UGT2B7: variants seen among roughly 807,000 people sequenced by gnomAD.
The protein encoded by UGT2B7 is UDP-glucuronosyltransferase 2B7.
In UGT2B7, 51 loss-of-function variants were observed where a neutral mutation model predicts 51.9. The ratio of observed to expected loss-of-function variants is 0.98; its 90% CI spans 0.78 to 1.24. The LOEUF is 1.24. Among genes scored for constraint, UGT2B7 ranks in the 50% most tolerant of loss-of-function variants. The pLI is 0.00. For missense variants in UGT2B7, 727 were observed against 628.4 expected (o/e 1.16, Z -1.68); for synonymous variants, 225 against 211.6 (o/e 1.06, Z -0.55).
intron 1 of UGT2B7, among the ~76,000 whole-genome samples, chr4:69,061,766 C>A (rs906452015): frequency 2.6e-5 from 4 of 152,168 alleles, no homozygotes; most frequent in South Asian, 2.1e-4. Context: ...CCCAAAACAA[C>A]CCCTGAAAAG....
rs151180306 is a variant in UGT2B7, at chr4:69,096,730, C to T, written c.210C>T (p.Ser70=). Residue 70 remains serine (S), a synonymous_variant, in exon 1 of 6, where the codon TCC becomes TCT. Transcript: ENST00000305231. ...TTCTTTTTGATCCCAACAACTCATC[C>T]GCTCTTAAAATTGAAATTTATCCCA... is the stretch of plus-strand genomic sequence containing the variant. The part of the protein sequence containing the change: ...ASILFDPNNS[S]ALKIEIYPTS... 1.3e-4 allele frequency: 210 copies of T among 1,613,774 alleles called. No individual in the cohort carries two copies. Among genetic ancestry groups the T allele is most frequent in the Non-Finnish European group, 1.6e-4 (188 of 1,179,906 alleles).
At chr4:69,088,935 C>T (rs1719023263) in intron 1 of UGT2B7, among the ~76,000 whole-genome samples, 1 of 152,112 alleles carries the variant, frequency 6.6e-6, no homozygotes, top group Non-Finnish European at 1.5e-5. Flanking sequence ...ACAGTGGTGT[C>T]TTCTTGGTGT....
intron 1 of UGT2B7, among the ~76,000 whole-genome samples, chr4:69,059,128 C>A (rs1196506864): frequency 6.6e-6 from 1 of 152,212 alleles, no homozygotes; most frequent in Non-Finnish European, 1.5e-5. Flanking sequence ...CAGGCTGCTT[C>A]TCTTTGGGCC....
intron 2 of UGT2B7, among the ~76,000 whole-genome samples, chr4:69,091,160 T>C (rs572419285): frequency 2.6e-5 from 4 of 152,184 alleles, no homozygotes; most frequent in South Asian, 2.1e-4. Flanking sequence ...TAGAAGTACT[T>C]GTGTTTTTTC....
intron 1 of UGT2B7, among the ~76,000 whole-genome samples, chr4:69,070,910 T>A (rs1261785145): frequency 6.6e-6 from 1 of 152,142 alleles, no homozygotes; most frequent in African/African-American, 2.4e-5. Context: ...ATATCCTTCA[T>A]GAAATACAAA....
chr4:69,110,278 G>A (rs1719734989), intron 5 of UGT2B7, among the ~76,000 whole-genome samples: 1 of 151,882 alleles, frequency 6.6e-6, no homozygotes, highest in South Asian at 2.1e-4. Flanking sequence ...CATATAATAA[G>A]GTTCAATATC....
intron 1 of UGT2B7, among the ~76,000 whole-genome samples, chr4:69,074,445 T>A (rs11940103): frequency 2.2e-4 from 23 of 106,520 alleles, no homozygotes; most frequent in East Asian, 1.1e-3. Context: ...TATATATATA[T>A]AAATTAAAAA....
upstream of UGT2B7, among the ~76,000 whole-genome samples, chr4:69,093,241 G>A (rs1297821215): frequency 6.6e-6 from 1 of 152,192 alleles, no homozygotes; most frequent in Non-Finnish European, 1.5e-5. Context: ...GCCATGTTTT[G>A]GTAGAGTAGC....
In UGT2B7 at chr4:69,064,112, A is replaced by AAGAAAGAAAGAAAGAAAGAAAG. The variant is rs754723956; in HGVS notation, c.-159+12511_-159+12512insGAAAGAAAGAAAGAAAGAAAGA. Among the ~76,000 whole-genome samples the AAGAAAGAAAGAAAGAAAGAAAG allele has an allele frequency of 4.1e-3, 352 of 86,720 alleles. 5 individuals are homozygous for AAGAAAGAAAGAAAGAAAGAAAG. The highest frequency in any genetic ancestry group is 0.023 in the Middle Eastern group (4 of 174). 56.9% of individuals were successfully genotyped at this position (86,720 alleles called of 152,430 possible). On this transcript the variant is annotated intron_variant, in intron 1 of 5. Transcript: ENST00000502942. ...AGAAAGAAAGAGAAAGAAAGAAAGA[A>AAGAAAGAAAGAAAGAAAGAAAG]AAAGAAAGAAAGAAAGAAAGAAAGA... is the stretch of plus-strand genomic sequence containing the variant.
rs1560499755 is a variant in UGT2B7, at chr4:69,064,094, A to AAGAAAGAAAGAG, written c.-159+12495_-159+12496insAAGAAAGAGAGA. On this transcript the variant is annotated intron_variant, in intron 1 of 5. Coordinates refer to the UGT2B7 transcript ENST00000502942. ...AAAGAAAGAAAGAAAGAAAGAAAGA[A>AAGAAAGAAAGAG]AGAGAAAGAAAGAAAGAAAAAGAAA... Among the ~76,000 whole-genome samples, 54 of 84,460 alleles carry AAGAAAGAAAGAG rather than the reference A, an allele frequency of 6.4e-4. 1 individual carries two copies. Among genetic ancestry groups the AAGAAAGAAAGAG allele is most frequent in the Non-Finnish European group, 7.3e-4 (31 of 42,316 alleles). 55.4% of individuals were successfully genotyped at this position (84,460 alleles called of 152,430 possible).
chr4:69,083,614 C>T (rs4540108), intron 1 of UGT2B7, among the ~76,000 whole-genome samples: 87,692 of 151,904 alleles, frequency 0.58, 26,308 homozygotes, highest in African/African-American at 0.71. Context: ...CATGGCTAAA[C>T]CTATTCCTAC....
chr4:69,109,481 G>A (rs1214754371), intron 5 of UGT2B7, among the ~76,000 whole-genome samples: 8 of 151,996 alleles, frequency 5.3e-5, no homozygotes, highest in Non-Finnish European at 8.8e-5. Flanking sequence ...TTTTCATTAC[G>A]GCTAAAGGTG....
chr4:69,078,228 A>G (rs1486070176), intron 1 of UGT2B7, among the ~76,000 whole-genome samples: 1 of 152,140 alleles, frequency 6.6e-6, no homozygotes, highest in African/African-American at 2.4e-5. Context: ...TTTCAAATCC[A>G]TCTTCATCAG....
At chr4:69,093,662 GGTTAA>G (rs1719139574), upstream of UGT2B7, among the ~76,000 whole-genome samples, 1 of 152,158 alleles carries the variant, frequency 6.6e-6, no homozygotes, top group South Asian at 2.1e-4. Flanking sequence ...CTGAAGACCT[GGTTAA>G]GTGGGTTCAT....
At chr4:69,100,042 G>C (rs1159718328) in intron 2 of UGT2B7, among the ~76,000 whole-genome samples, 1 of 151,966 alleles carries the variant, frequency 6.6e-6, no homozygotes, top group Non-Finnish European at 1.5e-5. Flanking sequence ...GACAAACTTA[G>C]TGTTCACTTG....
At position 69,096,926 on chromosome 4, in the gene UGT2B7, T is replaced by C. The variant is rs1228621666; in HGVS notation, c.406T>C (p.Phe136Leu). Residue 136 changes from phenylalanine (F) to leucine (L), a missense_variant, in exon 1 of 6, where the codon TTT becomes CTT. By Grantham distance (22) the Phe-to-Leu change is conservative (BLOSUM62 0). Coordinates refer to ENST00000305231, the MANE Select transcript of UGT2B7 (RefSeq NM_001074.4). The stretch of plus-strand genomic sequence containing the variant: ...TAAAGATGTAGTTTCAAATAAGAAA[T>C]TTATGAAAAAAGTACAAGAGTCAAG... ...FCKDVVSNKK[F>L]MKKVQESRFD... 6.2e-7 allele frequency: 1 copy of C among 1,611,492 alleles called. No homozygotes were observed. Among genetic ancestry groups the C allele is most frequent in the Admixed American group, 1.7e-5 (1 of 59,304 alleles).
At chr4:69,060,102 G>A (rs967877855) in intron 1 of UGT2B7, among the ~76,000 whole-genome samples, 5 of 152,306 alleles carry the variant, frequency 3.3e-5, no homozygotes, top group South Asian at 2.1e-4. Context: ...CAGTGACTGT[G>A]TCTTGCTCCA....
intron 1 of UGT2B7, among the ~76,000 whole-genome samples, chr4:69,075,550 C>T (rs1239790693): frequency 1.3e-5 from 2 of 152,058 alleles, no homozygotes; most frequent in African/African-American, 4.8e-5. Context: ...GAATTTGAGT[C>T]TTTTGACATC....
chr4:69,061,107 G>A (rs888806590), intron 1 of UGT2B7, among the ~76,000 whole-genome samples: 6 of 152,148 alleles, frequency 3.9e-5, no homozygotes, highest in Non-Finnish European at 8.8e-5. Context: ...TAGAGGCACA[G>A]TCTTTGTCTA....
Sources: gnomAD v4.1 joint callset for allele counts (sites outside exome capture counted in the v4.1 genomes callset) on GRCh38, gnomAD v4.1.1 for gene constraint, MANE v1.5 for transcripts, NCBI Gene and HGNC (gene_info 2026-07-23, HGNC 2026-07-21) for gene names.